MAPKAP1: variants seen among roughly 807,000 people sequenced by gnomAD.
MAPKAP1 encodes MAPK associated protein 1, also known as target of rapamycin complex 2 subunit MAPKAP1.
A neutral mutation model predicts 65.7 loss-of-function variants in MAPKAP1; 20 were observed. The observed-to-expected ratio is 0.30, with a 90% CI of 0.21 to 0.44. MAPKAP1 has a LOEUF of 0.44. Among genes scored for constraint, MAPKAP1 ranks in the 20% least tolerant of loss-of-function variants. The probability of loss-of-function intolerance (pLI) is 1.00; values close to 1 mark genes in which losing one functional copy is unlikely to be tolerated. For synonymous variants in MAPKAP1, 222 were observed against 244.3 expected, an observed-to-expected ratio of 0.91 and a Z score of 0.85; for missense variants, 423 against 648.0, an observed-to-expected ratio of 0.65 and a Z score of 3.77.
chr9:125,589,990 A>G (rs1389992884), intron 4 of MAPKAP1, among the ~76,000 whole-genome samples: 1 of 152,180 alleles, frequency 6.6e-6, no homozygotes, highest in African/African-American at 2.4e-5. Flanking sequence ...AAAGGGTTAC[A>G]ATGCAAACAG....
intron 4 of MAPKAP1, among the ~76,000 whole-genome samples, chr9:125,590,389 C>A (rs143381560): frequency 6.6e-6 from 1 of 152,250 alleles, no homozygotes; most frequent in Non-Finnish European, 1.5e-5. Flanking sequence ...GTGGCTCACA[C>A]CTGCAATCTC....
At chr9:125,527,869 C>A (rs912021128) in intron 7 of MAPKAP1, among the ~76,000 whole-genome samples, 2 of 152,174 alleles carry the variant, frequency 1.3e-5, no homozygotes, top group African/African-American at 4.8e-5. Flanking sequence ...ATTTTAAACA[C>A]ATTTACATTT....
intron 6 of MAPKAP1, among the ~76,000 whole-genome samples, chr9:125,543,923 C>T (rs1433834875): frequency 1.3e-5 from 2 of 152,084 alleles, no homozygotes; most frequent in Non-Finnish European, 2.9e-5. Flanking sequence ...GACAAAAAAA[C>T]GTCATGTGGG....
chr9:125,650,360 A>G (rs1441898767), intron 4 of MAPKAP1: 2 of 152,184 alleles, frequency 1.3e-5, no homozygotes, highest in African/African-American at 4.8e-5. Context: ...TCTACCAATC[A>G]TACCCGGTCT....
chr9:125,693,963 T>C (rs1271265794), intron 1 of MAPKAP1, among the ~76,000 whole-genome samples: 1 of 150,720 alleles, frequency 6.6e-6, no homozygotes, highest in Admixed American at 6.6e-5. Context: ...AGCCCAGGAG[T>C]TCAAGTGCAG....
At chr9:125,698,305 AT>A (rs1316582592) in intron 1 of MAPKAP1, among the ~76,000 whole-genome samples, 32 of 30,176 alleles carry the variant, frequency 1.1e-3, no homozygotes, top group African/African-American at 3.6e-3. Flanking sequence ...ATATATATAT[AT>A]ATATATATAT....
At chr9:125,646,219 G>T (rs984142878) in intron 4 of MAPKAP1, among the ~76,000 whole-genome samples, 5 of 152,122 alleles carry the variant, frequency 3.3e-5, no homozygotes, top group Non-Finnish European at 7.4e-5. Context: ...GCCTGGGATA[G>T]AATAAATTTA....
chr9:125,645,093 CG>C (rs1370313951), intron 4 of MAPKAP1, among the ~76,000 whole-genome samples: 2 of 151,876 alleles, frequency 1.3e-5, no homozygotes, highest in Non-Finnish European at 2.9e-5. Flanking sequence ...AAAAAGTAAC[CG>C]TCACCAAAAG....
chr9:125,511,654 A>G (rs1431728150), intron 7 of MAPKAP1, among the ~76,000 whole-genome samples: 2 of 152,216 alleles, frequency 1.3e-5, no homozygotes, highest in Non-Finnish European at 2.9e-5. Flanking sequence ...AGCCATTTCA[A>G]AAAGACAAAC....
chr9:125,541,167 G>A (rs1277507253), intron 7 of MAPKAP1, among the ~76,000 whole-genome samples: 1 of 152,184 alleles, frequency 6.6e-6, no homozygotes, highest in Non-Finnish European at 1.5e-5. Context: ...CAAGGATATG[G>A]CAAAGACTCT....
At chr9:125,615,612 A>G (rs1242802462) in intron 4 of MAPKAP1, among the ~76,000 whole-genome samples, 2 of 151,880 alleles carry the variant, frequency 1.3e-5, no homozygotes, top group Non-Finnish European at 2.9e-5. Context: ...ACACTCACAA[A>G]TAACAAAAAG....
At chr9:125,667,681 G>T (rs1284263386) in intron 3 of MAPKAP1, among the ~76,000 whole-genome samples, 1 of 152,054 alleles carries the variant, frequency 6.6e-6, no homozygotes, top group African/African-American at 2.4e-5. Flanking sequence ...AAAAGTGTTG[G>T]GATTACAGGT....
At chr9:125,698,313 ATATATATATAT>A (rs1835482944) in intron 1 of MAPKAP1, among the ~76,000 whole-genome samples, 2 of 46,466 alleles carry the variant, frequency 4.3e-5, no homozygotes, top group African/African-American at 1.3e-4. Context: ...ATATATATAT[ATATATATATAT>A]ATATATATAT....
chr9:125,705,922 T>C (rs1835744006), intron 1 of MAPKAP1, among the ~76,000 whole-genome samples: 1 of 152,172 alleles, frequency 6.6e-6, no homozygotes, highest in African/African-American at 2.4e-5. Flanking sequence ...GGAGACCTTT[T>C]CAAGCATAAC....
At chr9:125,622,746 A>G (rs1005046053) in intron 4 of MAPKAP1, among the ~76,000 whole-genome samples, 1 of 152,048 alleles carries the variant, frequency 6.6e-6, no homozygotes, top group African/African-American at 2.4e-5. Context: ...ACCTGGCCCA[A>G]TATGTACAAT....
intron 7 of MAPKAP1, among the ~76,000 whole-genome samples, chr9:125,513,650 A>G (rs536077513): frequency 6.6e-6 from 1 of 152,354 alleles, no homozygotes; most frequent in African/African-American, 2.4e-5. Context: ...TTCCCTTAGC[A>G]AAGTGCTCGG....
At chr9:125,563,933 G>A (rs1232350456) in intron 5 of MAPKAP1, among the ~76,000 whole-genome samples, 1 of 152,154 alleles carries the variant, frequency 6.6e-6, no homozygotes, top group Non-Finnish European at 1.5e-5. Flanking sequence ...GGCTGGTCTC[G>A]AACTCCTGAC....
At chr9:125,628,876 C>T (rs556874047) in intron 4 of MAPKAP1, among the ~76,000 whole-genome samples, 1 of 151,972 alleles carries the variant, frequency 6.6e-6, no homozygotes, top group African/African-American at 2.4e-5. Flanking sequence ...TCAACAACAA[C>T]AACAACAACA....
chr9:125,510,795 T>A (rs1829274040), intron 7 of MAPKAP1, among the ~76,000 whole-genome samples: 1 of 152,198 alleles, frequency 6.6e-6, no homozygotes, highest in African/African-American at 2.4e-5. Context: ...AATCCTCACC[T>A]GAATAGTGGA....
Sources: allele counts gnomAD v4.1 joint callset (sites outside exome capture counted in the v4.1 genomes callset), GRCh38; gene constraint gnomAD v4.1.1; transcripts MANE v1.5; gene names NCBI Gene and HGNC (gene_info 2026-07-23, HGNC 2026-07-21).